PRKX: variants seen among roughly 807,000 people sequenced by gnomAD.
PRKX encodes the protein cAMP-dependent protein kinase catalytic subunit PRKX.
In PRKX, 12 loss-of-function variants were observed where a neutral mutation model predicts 22.0. That is an observed-to-expected ratio of 0.54 (90% CI 0.35 to 0.88). The LOEUF (loss-of-function observed/expected upper bound fraction) is 0.88. PRKX is among the 40% of genes least tolerant of loss of function. The pLI, the probability that PRKX is intolerant of heterozygous loss-of-function variation, is 0.01. For synonymous variants in PRKX, 134 were observed against 137.7 expected (o/e 0.97, Z 0.19); for missense variants, 217 against 308.0 (o/e 0.70, Z 2.21).
chrX:3,609,969 G>A (rs1204303623), intron 8 of PRKX, among the ~76,000 whole-genome samples: 2 of 111,685 alleles, frequency 1.8e-5, no homozygotes, highest in African/African-American at 6.5e-5. Flanking sequence ...GGCATACAGG[G>A]TGATTCAAAC....
intron 7 of PRKX, among the ~76,000 whole-genome samples, chrX:3,614,083 T>G (rs6567571): frequency 9.1e-6 from 1 of 109,459 alleles, no homozygotes; most frequent in African/African-American, 3.3e-5. Flanking sequence ...TGTCCACCAA[T>G]GGATGAAAGG....
In PRKX at chrX:3,713,167, C is replaced by G. The variant is rs768877470; in HGVS notation, c.87G>C (p.Ala29=). Residue 29 remains alanine (A), a synonymous_variant, in exon 1 of 9, where the codon GCG becomes GCC. Coordinates refer to ENST00000262848, the MANE Select transcript of PRKX (RefSeq NM_005044.5). ...ACAGCGCCTCAGGGCTGGGGCAGAGCGCGGGCGCCCCGTCGGGGGTCTCCT... is the reference window on the plus strand; with the variant it reads ...ACAGCGCCTCAGGGCTGGGGCAGAGGGCGGGCGCCCCGTCGGGGGTCTCCT... ...VAEETPDGAP[A]LCPSPEALSP... is the part of the protein sequence containing the mutation. 1 of 1,126,888 alleles carries G rather than the reference C, an allele frequency of 8.9e-7. No individual in the cohort carries two copies. The highest frequency in any genetic ancestry group is 1.2e-6 in the Non-Finnish European group (1 of 859,800). The allele number at this position is 1,126,888 out of a possible 1,213,427, so 92.9% of individuals were successfully genotyped here. A position where few individuals can be genotyped will look rare whatever the true frequency, so the allele number is the denominator to read the frequency against.
At chrX:3,626,208 C>A (rs1470931595) in intron 5 of PRKX, among the ~76,000 whole-genome samples, 1 of 112,147 alleles carries the variant, frequency 8.9e-6, no homozygotes. Context: ...GAACACAATA[C>A]GGCCAAGACT....
At chrX:3,686,229 G>A (rs184505292) in intron 1 of PRKX, among the ~76,000 whole-genome samples, 79 of 111,174 alleles carry the variant, frequency 7.1e-4, no homozygotes, top group Non-Finnish European at 1.1e-3. Flanking sequence ...CCTGCCACAG[G>A]GAAATGGATA....
intron 2 of PRKX, among the ~76,000 whole-genome samples, chrX:3,658,215 T>C (rs758034650): frequency 1.3e-3 from 146 of 111,232 alleles, no homozygotes; most frequent in African/African-American, 4.4e-3. Context: ...GGTCTCGAAC[T>C]CCTGACCTCA....
intron 1 of PRKX, among the ~76,000 whole-genome samples, chrX:3,688,423 G>A (rs1335965749): frequency 9.6e-6 from 1 of 104,057 alleles, no homozygotes; most frequent in Non-Finnish European, 2.0e-5. Flanking sequence ...TCCAGCCTGG[G>A]CGACAGAGCG....
chrX:3,623,234 T>A (rs1052158293), intron 5 of PRKX, among the ~76,000 whole-genome samples: 1 of 110,004 alleles, frequency 9.1e-6, no homozygotes, highest in African/African-American at 3.3e-5. Flanking sequence ...TTTTTTTAAA[T>A]TTTTTTGGTG....
intron 4 of PRKX, among the ~76,000 whole-genome samples, chrX:3,639,478 T>G (rs868599412): frequency 1.4e-4 from 2 of 14,150 alleles, no homozygotes; most frequent in Admixed American, 2.3e-3. Context: ...GATGAAGGGG[T>G]AGGGGGTGGG....
intron 3 of PRKX, among the ~76,000 whole-genome samples, chrX:3,650,879 TAAAAAAAAAAAAAA>T (rs57311083): frequency 2.9e-4 from 24 of 81,928 alleles, no homozygotes; most frequent in Admixed American, 3.8e-4. Context: ...ACCCTGTCTT[TAAAAAAAAAAAAAA>T]AAAAAAAAAA....
intron 4 of PRKX, among the ~76,000 whole-genome samples, chrX:3,639,012 G>A (rs1244416447): frequency 2.2e-5 from 2 of 89,122 alleles, no homozygotes; most frequent in Admixed American, 1.4e-4. Flanking sequence ...ATATATAAAT[G>A]ACAACTTAGA....
intron 1 of PRKX, among the ~76,000 whole-genome samples, chrX:3,686,216 TCTC>T (rs1928175199): frequency 9.0e-6 from 1 of 110,768 alleles, no homozygotes; most frequent in Admixed American, 9.7e-5. Flanking sequence ...GAGAGCAAAA[TCTC>T]CTGCCACAGG....
At chrX:3,671,473 G>A (rs1157389473) in intron 2 of PRKX, among the ~76,000 whole-genome samples, 1 of 111,356 alleles carries the variant, frequency 9.0e-6, no homozygotes, top group East Asian at 2.8e-4. Context: ...GAATAATATC[G>A]AAAGTGGCCT....
intron 4 of PRKX, among the ~76,000 whole-genome samples, chrX:3,630,734 A>C (rs1029757323): frequency 3.6e-5 from 4 of 111,209 alleles, no homozygotes; most frequent in Admixed American, 2.9e-4. Context: ...TAAAACCATC[A>C]GATCTCCTGA....
In PRKX at chrX:3,640,417, T is replaced by C. The variant is rs140609697; in HGVS notation, c.719+1435A>G. 6.8e-3 allele frequency among the ~76,000 whole-genome samples: 763 copies of C among 112,170 alleles called. 12 individuals are homozygous for C. The highest frequency in any genetic ancestry group is 0.023 in the African/African-American group (723 of 30,938). Reference sequence around the variant, plus strand: ...AAAGTGCCACGCTACTGTGTCATCTTAGCACTAACAACGGAACGAGGATGA... The same window carrying C: ...AAAGTGCCACGCTACTGTGTCATCTCAGCACTAACAACGGAACGAGGATGA... On this transcript the variant is annotated intron_variant, in intron 4 of 8. Transcript: ENST00000262848.
intron 1 of PRKX, among the ~76,000 whole-genome samples, chrX:3,704,782 A>G (rs1199179794): frequency 3.6e-5 from 4 of 111,954 alleles, no homozygotes; most frequent in Non-Finnish European, 5.6e-5. Context: ...TTCTTTTTAC[A>G]GGCTGAATAG....
chrX:3,664,887 AC>A (rs1302468841), intron 2 of PRKX, among the ~76,000 whole-genome samples: 5 of 112,021 alleles, frequency 4.5e-5, no homozygotes, highest in African/African-American at 1.6e-4. Flanking sequence ...GGTAAGGGGT[AC>A]CCTAGAAGCC....
chrX:3,627,875 A>G (rs1926694323), intron 4 of PRKX, among the ~76,000 whole-genome samples: 1 of 111,394 alleles, frequency 9.0e-6, no homozygotes, highest in African/African-American at 3.3e-5. Flanking sequence ...CATATGACCC[A>G]GCCATCACAT....
chrX:3,704,873 T>A (rs1425652240), intron 1 of PRKX, among the ~76,000 whole-genome samples: 2 of 111,835 alleles, frequency 1.8e-5, no homozygotes, highest in African/African-American at 6.5e-5. Flanking sequence ...ATCTTGGCTG[T>A]TGTGTGACTC....
At chrX:3,691,767 C>T (rs1928329946) in intron 1 of PRKX, among the ~76,000 whole-genome samples, 1 of 111,283 alleles carries the variant, frequency 9.0e-6, no homozygotes, top group African/African-American at 3.3e-5. Flanking sequence ...AGCTGAATTG[C>T]CATTGGCAGA....
Sources: allele counts gnomAD v4.1 joint callset (sites outside exome capture counted in the v4.1 genomes callset), GRCh38; gene constraint gnomAD v4.1.1; transcripts MANE v1.5; gene names NCBI Gene and HGNC (gene_info 2026-07-23, HGNC 2026-07-21).